The following ARHGAP10 variants were observed in gnomAD, a reference collection of about 807,000 sequenced individuals.
The protein encoded by ARHGAP10 is rho GTPase-activating protein 10.
In ARHGAP10, 87 loss-of-function variants were observed where a neutral mutation model predicts 108.6. The ratio of observed to expected loss-of-function variants is 0.80; its 90% CI spans 0.67 to 0.96. ARHGAP10 has a LOEUF of 0.96. Among genes scored for constraint, ARHGAP10 ranks in the 40% least tolerant of loss-of-function variants. ARHGAP10 has a pLI of 0.00. For synonymous variants in ARHGAP10, 347 were observed against 341.1 expected, an observed-to-expected ratio of 1.02 and a Z score of -0.19; for missense variants, 939 against 954.5, an observed-to-expected ratio of 0.98 and a Z score of 0.21.
At chr4:148,067,421 T>TG (rs1453391683) in intron 22 of ARHGAP10, among the ~76,000 whole-genome samples, 1 of 152,212 alleles carries the variant, frequency 6.6e-6, no homozygotes, top group African/African-American at 2.4e-5. Flanking sequence ...GTCTGACAAC[T>TG]GACACTGAGA....
chr4:147,751,692 G>A (rs1207644368), intron 1 of ARHGAP10, among the ~76,000 whole-genome samples: 3 of 151,158 alleles, frequency 2.0e-5, no homozygotes, highest in African/African-American at 7.4e-5. Flanking sequence ...TGGAGCACTT[G>A]TGTTTCAGAG....
At chr4:147,732,596 C>T in intron 1 of ARHGAP10, 141 bp downstream of exon 1, 1 of 1,213,798 alleles carries the variant, frequency 8.2e-7, no homozygotes, top group South Asian at 1.6e-5. Context: ...GCCCAGCTCT[C>T]TCGGAACCCC....
intron 1 of ARHGAP10, among the ~76,000 whole-genome samples, chr4:147,789,170 TGGA>T (rs1377729273): frequency 2.0e-5 from 3 of 152,332 alleles, no homozygotes; most frequent in East Asian, 3.9e-4. Context: ...CATTCAGTCG[TGGA>T]GAAGTCAATT....
intron 7 of ARHGAP10, 109 bp downstream of exon 7, chr4:147,866,925 C>G (rs374087781): frequency 2.3e-4 from 208 of 886,510 alleles, no homozygotes; most frequent in East Asian, 1.5e-3. Flanking sequence ...TCTGTTTGTA[C>G]TGAGAAACTG....
intron 6 of ARHGAP10, 123 bp downstream of exon 6, chr4:147,865,079 T>G (rs773310274): frequency 7.3e-6 from 6 of 821,860 alleles, no homozygotes; most frequent in Non-Finnish European, 1.1e-5. Context: ...GAAAGAGACA[T>G]ATTAAAAAGG....
chr4:147,988,691 T>C (rs1338405920), intron 18 of ARHGAP10, among the ~76,000 whole-genome samples: 7 of 152,138 alleles, frequency 4.6e-5, no homozygotes, highest in African/African-American at 1.7e-4. Flanking sequence ...CATAAAAAAA[T>C]GGGGTCTAGA....
intron 8 of ARHGAP10, among the ~76,000 whole-genome samples, chr4:147,876,449 A>C (rs748036733): frequency 1.3e-5 from 2 of 152,002 alleles, no homozygotes; most frequent in Non-Finnish European, 2.9e-5. Flanking sequence ...AAAAATCAGC[A>C]GGGCGTAGTG....
At chr4:147,801,569 G>A (rs187484121) in intron 1 of ARHGAP10, among the ~76,000 whole-genome samples, 112 of 152,266 alleles carry the variant, frequency 7.4e-4, no homozygotes, top group Admixed American at 2.2e-3. Context: ...ATAACATACC[G>A]TCTGTTTTTT....
intron 20 of ARHGAP10, among the ~76,000 whole-genome samples, chr4:148,049,906 C>T (rs1729057378): frequency 6.6e-6 from 1 of 151,210 alleles, no homozygotes; most frequent in African/African-American, 2.4e-5. Context: ...CTCACTCTGT[C>T]ACCCAGGCTG....
intron 10 of ARHGAP10, among the ~76,000 whole-genome samples, chr4:147,886,272 G>T (rs1336911477): frequency 3.9e-5 from 6 of 152,188 alleles, no homozygotes; most frequent in African/African-American, 1.4e-4. Flanking sequence ...GGTAATTTCA[G>T]TATGGCTTCA....
chr4:148,069,308 G>T (rs1366990175), intron 22 of ARHGAP10, among the ~76,000 whole-genome samples: 2 of 152,106 alleles, frequency 1.3e-5, no homozygotes, highest in Non-Finnish European at 2.9e-5. Context: ...CACTTCCAAG[G>T]CTCTTGGATG....
rs758608166 is a variant in ARHGAP10, at chr4:147,913,136, C to T, written c.1225C>T (p.Arg409Ter). 5 of 1,612,922 alleles carry T rather than the reference C, an allele frequency of 3.1e-6. No homozygotes were observed. The highest frequency in any genetic ancestry group is 4.5e-5 in the East Asian group (2 of 44,808). ...AAAATGCATCAGTGCCGTTGAAACA[C>T]GAGGTAATATGATTGAATCATTTCA... Reference protein sequence around the residue: ...IRKCISAVETRGINDQGLYRV... With the variant: ...IRKCISAVET Residue 409 changes from arginine (R) to a stop codon, truncating the protein, a stop_gained, in exon 13 of 23, where the codon CGA becomes TGA. Transcript: ENST00000336498. LOFTEE classifies it high-confidence loss of function.
chr4:147,870,643 G>C (rs1579140210), intron 7 of ARHGAP10, among the ~76,000 whole-genome samples: 1 of 151,628 alleles, frequency 6.6e-6, no homozygotes, highest in East Asian at 1.9e-4. Context: ...GCAGCAAGAT[G>C]GCTTTTAGGA....
chr4:147,934,829 C>A (rs547215575), intron 13 of ARHGAP10, among the ~76,000 whole-genome samples: 1 of 151,968 alleles, frequency 6.6e-6, no homozygotes, highest in South Asian at 2.1e-4. Context: ...TGAGACCCTG[C>A]CTTAAAAATA....
chr4:147,846,612 C>T (rs777312810), intron 3 of ARHGAP10, among the ~76,000 whole-genome samples: 7 of 152,146 alleles, frequency 4.6e-5, no homozygotes, highest in Non-Finnish European at 8.8e-5. Flanking sequence ...TTTGCTAGCA[C>T]GCCCAAGCAT....
chr4:148,020,214 C>T (rs1741513339), intron 18 of ARHGAP10, among the ~76,000 whole-genome samples: 1 of 152,084 alleles, frequency 6.6e-6, no homozygotes, highest in South Asian at 2.1e-4. Flanking sequence ...ATATTTTATA[C>T]CTCAGGGCTT....
rs568572774 is a variant in ARHGAP10 at position 147,846,599 on chromosome 4, A to G, written c.313-552A>G. 2.0e-5 allele frequency among the ~76,000 whole-genome samples: 3 copies of G among 152,234 alleles called. No individual in the cohort carries two copies. In the South Asian group the frequency reaches 6.2e-4, roughly 32 times the overall value. On this transcript the variant is annotated intron_variant, in intron 3 of 22. Coordinates refer to ENST00000336498, the MANE Select transcript of ARHGAP10 (RefSeq NM_024605.4). The stretch of plus-strand genomic sequence containing the variant: ...CTCTCATGTGAGCTTCCCTGATGTC[A>G]TGTTTGCTAGCACGCCCAAGCATTT...
intron 10 of ARHGAP10, among the ~76,000 whole-genome samples, chr4:147,888,212 A>G (rs751364949): frequency 6.6e-6 from 1 of 152,142 alleles, no homozygotes; most frequent in Non-Finnish European, 1.5e-5. Context: ...ACACTTTTTT[A>G]TGACCTTGTC....
intron 18 of ARHGAP10, among the ~76,000 whole-genome samples, chr4:147,987,405 G>A (rs961720860): frequency 1.3e-4 from 20 of 152,088 alleles, no homozygotes; most frequent in Non-Finnish European, 2.9e-4. Flanking sequence ...GACTCTGAAC[G>A]CATAGCCACT....
Sources: allele counts gnomAD v4.1 joint callset (sites outside exome capture counted in the v4.1 genomes callset), GRCh38; gene constraint gnomAD v4.1.1; transcripts MANE v1.5; gene names NCBI Gene and HGNC (gene_info 2026-07-23, HGNC 2026-07-21).